Variants in SHC4 observed in about 807,000 individuals in gnomAD.
SHC4 encodes the protein SHC adaptor protein 4, also known as SHC-transforming protein 4.
SHC4 carries 41 observed loss-of-function variants against 69.4 expected under a neutral mutation model. The observed-to-expected ratio is 0.59, with a 90% CI of 0.46 to 0.77. SHC4 has a LOEUF of 0.77. Ranked by LOEUF, SHC4 falls within the 30% of genes least tolerant of loss-of-function variation. The pLI, the probability that SHC4 is intolerant of heterozygous loss-of-function variation, is 0.00. For synonymous variants in SHC4, 318 were observed against 299.3 expected, an observed-to-expected ratio of 1.06 and a Z score of -0.64; for missense variants, 777 against 783.8, an observed-to-expected ratio of 0.99 and a Z score of 0.10.
At chr15:48,860,565 T>A (rs1899422261) in intron 6 of SHC4, among the ~76,000 whole-genome samples, 1 of 152,048 alleles carries the variant, frequency 6.6e-6, no homozygotes. Context: ...GAAAGTCATA[T>A]CAAAATGGAA....
intron 1 of SHC4, among the ~76,000 whole-genome samples, chr15:48,935,379 G>A (rs1056212174): frequency 6.6e-6 from 1 of 152,146 alleles, no homozygotes; most frequent in Admixed American, 6.6e-5. Flanking sequence ...TATGCCTCCT[G>A]CTGGACTATG....
chr15:48,856,536 G>A (rs748012668), intron 7 of SHC4, among the ~76,000 whole-genome samples: 1 of 151,814 alleles, frequency 6.6e-6, no homozygotes, highest in Non-Finnish European at 1.5e-5. Flanking sequence ...TTGTTCTTCG[G>A]GTATAGGGCC....
chr15:48,881,379 A>C (rs1354757488), intron 4 of SHC4, among the ~76,000 whole-genome samples: 1 of 151,684 alleles, frequency 6.6e-6, no homozygotes, highest in African/African-American at 2.4e-5. Context: ...ACAAAGCAAA[A>C]AAAAAAAAAA....
chr15:48,855,170 C>T (rs149858056), intron 8 of SHC4, among the ~76,000 whole-genome samples: 1 of 151,510 alleles, frequency 6.6e-6, no homozygotes, highest in African/African-American at 2.4e-5. Context: ...ACACATGTAC[C>T]CCTTGAGCCT....
chr15:48,959,928 A>G (rs1901514677), intron 1 of SHC4, among the ~76,000 whole-genome samples: 1 of 152,060 alleles, frequency 6.6e-6, no homozygotes, highest in Non-Finnish European at 1.5e-5. Flanking sequence ...CCTTTGAAAA[A>G]CCTGGGGTTT....
intron 2 of SHC4, among the ~76,000 whole-genome samples, chr15:48,922,748 C>T (rs1427883255): frequency 2.0e-5 from 3 of 152,144 alleles, no homozygotes; most frequent in Admixed American, 1.3e-4. Context: ...GGTATCAGCC[C>T]TCTTTCTCTC....
At chr15:48,956,032 G>C (rs901543043) in intron 1 of SHC4, among the ~76,000 whole-genome samples, 2 of 152,174 alleles carry the variant, frequency 1.3e-5, no homozygotes, top group African/African-American at 4.8e-5. Flanking sequence ...GACCAATCAA[G>C]GGATATGTGA....
At position 48,825,179 on chromosome 15, in the gene SHC4, G is replaced by A. The variant is rs1200960906; in HGVS notation, c.*792C>T. ...TTGTTTTTTTTGTTTTTTGTTTTTT[G>A]TCTTTTTAGCAGGAAGAGGGGGAGA... On this transcript the variant is annotated 3_prime_UTR_variant, in exon 12 of 12. Coordinates refer to ENST00000332408, the MANE Select transcript of SHC4 (RefSeq NM_203349.4). 6.6e-6 allele frequency: 1 copy of A among 150,610 alleles called. No individual in the cohort carries two copies. The highest frequency in any genetic ancestry group is 2.1e-4 in the South Asian group (1 of 4,770). The allele number at this position is 150,610 out of a possible 1,614,324, so 9.3% of individuals were successfully genotyped here. A position where few individuals can be genotyped will look rare whatever the true frequency, so the allele number is the denominator to read the frequency against.
intron 1 of SHC4, among the ~76,000 whole-genome samples, chr15:48,956,472 G>A (rs1456033444): frequency 6.6e-6 from 1 of 152,110 alleles, no homozygotes; most frequent in African/African-American, 2.4e-5. Flanking sequence ...TGTCACTTCT[G>A]CAGTCCTCCT....
At chr15:48,918,709 T>A (rs1023397362) in intron 2 of SHC4, among the ~76,000 whole-genome samples, 1 of 152,176 alleles carries the variant, frequency 6.6e-6, no homozygotes, top group Admixed American at 6.5e-5. Flanking sequence ...GAAAAAAATG[T>A]GAAAGTAATT....
At position 48,835,003 on chromosome 15, in the gene SHC4, C is replaced by G. The variant is rs897943127; in HGVS notation, c.1503G>C (p.Gln501His). 1.2e-6 allele frequency: 2 copies of G among 1,611,694 alleles called. No individual in the cohort carries two copies. The highest frequency in any genetic ancestry group is 1.3e-5 in the African/African-American group (1 of 74,900). Residue 501 changes from glutamine to histidine, a missense_variant, in exon 11 of 12, where the codon CAG becomes CAC. Coordinates refer to ENST00000332408, the MANE Select transcript of SHC4 (RefSeq NM_203349.4). ...TGGCAGGCTGGGCTGTGGCACCCGG[C>G]TGAACAGTTTCTGGTGCCTCTGAAG... is the stretch of plus-strand genomic sequence containing the variant. ...WHCGKAPETVQPGATAQPASS... is the reference protein window; with the variant it reads ...WHCGKAPETVHPGATAQPASS...
chr15:48,946,323 G>T (rs1221916885), intron 1 of SHC4, among the ~76,000 whole-genome samples: 3 of 152,148 alleles, frequency 2.0e-5, no homozygotes, highest in African/African-American at 7.2e-5. Flanking sequence ...AGTCAGCTGG[G>T]TATAAATCAT....
chr15:48,951,358 C>G (rs770243225), intron 1 of SHC4, among the ~76,000 whole-genome samples: 10 of 152,038 alleles, frequency 6.6e-5, no homozygotes, highest in Non-Finnish European at 1.3e-4. Flanking sequence ...GTGCCACTGC[C>G]TTTGTTACCA....
At chr15:48,884,178 C>T in intron 4 of SHC4, 70 bp downstream of exon 4, 1 of 1,468,854 alleles carries the variant, frequency 6.8e-7, no homozygotes, top group South Asian at 1.4e-5. Flanking sequence ...AAACTTTATT[C>T]TTTTCATTAT....
intron 4 of SHC4, chr15:48,876,756 G>C (rs1176729729): frequency 1.3e-5 from 6 of 471,604 alleles, no homozygotes; most frequent in Non-Finnish European, 1.2e-5. Flanking sequence ...CAGCTGATTA[G>C]ATTGTGCCCA....
At chr15:48,862,195 G>T (rs1033314090) in intron 6 of SHC4, among the ~76,000 whole-genome samples, 33 of 147,904 alleles carry the variant, frequency 2.2e-4, no homozygotes, top group African/African-American at 7.1e-4. Flanking sequence ...CTGGTTTTGG[G>T]GTTTTTTTTT....
At chr15:48,882,522 G>C (rs535927928) in intron 4 of SHC4, among the ~76,000 whole-genome samples, 20 of 152,250 alleles carry the variant, frequency 1.3e-4, no homozygotes, top group African/African-American at 4.8e-4. Flanking sequence ...CCCTAAAGAA[G>C]GGTACTGAAG....
At chr15:48,913,414 C>T (rs950933324) in intron 2 of SHC4, among the ~76,000 whole-genome samples, 4 of 152,128 alleles carry the variant, frequency 2.6e-5, no homozygotes, top group Admixed American at 2.0e-4. Context: ...AGCTCCCATG[C>T]AAACCGAAGG....
intron 9 of SHC4, among the ~76,000 whole-genome samples, chr15:48,849,654 T>C (rs1018638057): frequency 6.6e-6 from 1 of 152,154 alleles, no homozygotes; most frequent in African/African-American, 2.4e-5. Flanking sequence ...GAGAACATGG[T>C]TGCAATACCA....
Sources: gnomAD v4.1 joint callset for allele counts (sites outside exome capture counted in the v4.1 genomes callset) on GRCh38, gnomAD v4.1.1 for gene constraint, MANE v1.5 for transcripts, NCBI Gene and HGNC (gene_info 2026-07-23, HGNC 2026-07-21) for gene names.